Variants in PCDHGA5 observed in about 807,000 individuals in gnomAD.
PCDHGA5 encodes protocadherin gamma-A5.
A neutral mutation model predicts 56.7 loss-of-function variants in PCDHGA5; 36 were observed. The ratio of observed to expected loss-of-function variants is 0.64; its 90% CI spans 0.49 to 0.84. The LOEUF is 0.84. PCDHGA5 is among the 40% of genes least tolerant of loss of function. PCDHGA5 has a pLI of 0.00. For synonymous variants in PCDHGA5, 563 were observed against 520.2 expected, an observed-to-expected ratio of 1.08 and a Z score of -1.12; for missense variants, 1,305 against 1,201.5, an observed-to-expected ratio of 1.09 and a Z score of -1.27.
At chr5:141,420,392 G>A (rs1480059498) in intron 1 of PCDHGA5, 2 of 1,268,940 alleles carry the variant, frequency 1.6e-6, no homozygotes, top group East Asian at 5.5e-5. Context: ...CAAAATATAG[G>A]TCAAATTTAT....
chr5:141,440,444 C>G (rs2098178389), intron 1 of PCDHGA5: 1 of 152,038 alleles, frequency 6.6e-6, no homozygotes, highest in Admixed American at 6.6e-5. Context: ...AAGGCGCCAT[C>G]TCAAAAAAAA....
Position 141,476,525 on chromosome 5 carries a change from A to T in PCDHGA5, c.2422-18282A>T, listed in dbSNP as rs766638463. On this transcript the variant is annotated intron_variant, in intron 1 of 3. Coordinates refer to ENST00000518069, the MANE Select transcript of PCDHGA5 (RefSeq NM_018918.3). This position sits in a 1 kb window ranked among gnomAD's most constrained non-coding sequence, Gnocchi z 7.6. ...CAACGACAACAATCCTGCTTTCCCTACCCAGGAAATGAAATTGGAGATTAG... is the reference window on the plus strand; with the variant it reads ...CAACGACAACAATCCTGCTTTCCCTTCCCAGGAAATGAAATTGGAGATTAG... The T allele has an allele frequency of 6.2e-7, 1 of 1,614,068 alleles. No homozygotes were observed. The highest frequency in any genetic ancestry group is 2.2e-5 in the East Asian group (1 of 44,854).
Position 141,491,726 on chromosome 5 carries a change from C to A in PCDHGA5, c.2422-3081C>A, listed in dbSNP as rs1018940432. ...GTGAGGGGCTCGGCGCCGCCCCGGG[C>A]GACCCCTGGGGGCGGCACTGGAGAA... On this transcript the variant is annotated intron_variant, in intron 1 of 3. Coordinates refer to ENST00000518069, the MANE Select transcript of PCDHGA5 (RefSeq NM_018918.3). This position sits in a 1 kb window ranked among gnomAD's most constrained non-coding sequence, Gnocchi z 6.9. 2.2e-5 allele frequency: 36 copies of A among 1,605,766 alleles called. No individual in the cohort carries two copies. Among genetic ancestry groups the A allele is most frequent in the African/African-American group, 4.0e-5 (3 of 74,588 alleles).
At position 141,489,062 on chromosome 5, in the gene PCDHGA5, C is replaced by G. The variant is rs1466124551; in HGVS notation, c.2422-5745C>G. Reference sequence around the variant, plus strand: ...GCTCCACTCAAATTCAGCTCCCCTCCCCCCTGCCCACCCCCGCCACTCGGT... The same window carrying G: ...GCTCCACTCAAATTCAGCTCCCCTCGCCCCTGCCCACCCCCGCCACTCGGT... On this transcript the variant is annotated intron_variant, in intron 1 of 3. Transcript: ENST00000518069. This position sits in a 1 kb window ranked among gnomAD's most constrained non-coding sequence, Gnocchi z 4.5. 5.3e-6 allele frequency: 2 copies of G among 378,914 alleles called. No homozygotes were observed. Among genetic ancestry groups the G allele is most frequent in the Non-Finnish European group, 9.5e-6 (2 of 209,830 alleles). 23.5% of individuals were successfully genotyped at this position (378,914 alleles called of 1,614,324 possible).
intron 1 of PCDHGA5, chr5:141,384,509 G>T: frequency 6.2e-7 from 1 of 1,614,176 alleles, no homozygotes; most frequent in Non-Finnish European, 8.5e-7. Flanking sequence ...GCACATGACA[G>T]CGGGGACCCG....
chr5:141,416,504 C>CA (rs1467352050), intron 1 of PCDHGA5: 4 of 152,040 alleles, frequency 2.6e-5, no homozygotes, highest in African/African-American at 9.7e-5. Context: ...AGATATATGA[C>CA]AAAGCTATTT....
chr5:141,490,196 A>G lies in PCDHGA5; in HGVS notation c.2422-4611A>G, dbSNP rs748858034. On this transcript the variant is annotated intron_variant, in intron 1 of 3. Coordinates refer to ENST00000518069, the MANE Select transcript of PCDHGA5 (RefSeq NM_018918.3). The surrounding 1 kb of genome is among the most constrained non-coding windows in gnomAD (Gnocchi z 5.4). ...GAGGAGTCACGTTTCTATGAAATTCATGCAAGAGCCCGTGACCAGGGACAG... is the reference window on the plus strand; with the variant it reads ...GAGGAGTCACGTTTCTATGAAATTCGTGCAAGAGCCCGTGACCAGGGACAG... The G allele has an allele frequency of 3.7e-6, 6 of 1,614,196 alleles. No individual in the cohort carries two copies. The highest frequency in any genetic ancestry group is 4.2e-6 in the Non-Finnish European group (5 of 1,180,020).
At position 141,489,108 on chromosome 5, in the gene PCDHGA5, A is replaced by C; in HGVS notation, c.2422-5699A>C. The C allele has an allele frequency of 2.0e-6, 1 of 489,086 alleles. No individual in the cohort carries two copies. The highest frequency in any genetic ancestry group is 3.5e-6 in the Non-Finnish European group (1 of 287,626). 30.3% of individuals were successfully genotyped at this position (489,086 alleles called of 1,614,324 possible). On this transcript the variant is annotated intron_variant, in intron 1 of 3. Transcript: ENST00000518069. This position sits in a 1 kb window ranked among gnomAD's most constrained non-coding sequence, Gnocchi z 4.5. The stretch of plus-strand genomic sequence containing the variant: ...TCGGTGACTAAGAACTGCTGCAAGC[A>C]GGCAAACCTCCGAGCAGTTTTTAAG...
At chr5:141,435,919 T>C (rs2097786247) in intron 1 of PCDHGA5, among the ~76,000 whole-genome samples, 2 of 152,148 alleles carry the variant, frequency 1.3e-5, no homozygotes, top group South Asian at 4.1e-4. Flanking sequence ...GGCTCTAAAA[T>C]GCGGCAGTTG....
intron 1 of PCDHGA5, among the ~76,000 whole-genome samples, chr5:141,465,785 T>G (rs564238782): frequency 6.6e-6 from 1 of 152,262 alleles, no homozygotes; most frequent in South Asian, 2.1e-4. Flanking sequence ...TACAGTTTTT[T>G]TTTTTTTAAG....
intron 1 of PCDHGA5, among the ~76,000 whole-genome samples, chr5:141,449,549 A>G (rs1431239786): frequency 6.8e-6 from 1 of 147,830 alleles, no homozygotes; most frequent in East Asian, 2.0e-4. Context: ...AGATCGCACC[A>G]CTGCACTCCA....
chr5:141,478,465 C>T (rs768021356), intron 1 of PCDHGA5: 6 of 1,613,730 alleles, frequency 3.7e-6, no homozygotes, highest in Non-Finnish European at 5.1e-6. Context: ...GTCCACTGGC[C>T]AGCCGCCAGA....
At chr5:141,510,322 A>G (rs62379243) in intron 3 of PCDHGA5, among the ~76,000 whole-genome samples, 36,300 of 150,290 alleles carry the variant, frequency 0.24, 4,456 homozygotes, top group Admixed American at 0.32. Flanking sequence ...TTGGAAGAGC[A>G]CTCTTCACCC....
intron 1 of PCDHGA5, chr5:141,409,795 G>A (rs764584425): frequency 1.2e-6 from 2 of 1,611,722 alleles, no homozygotes; most frequent in Admixed American, 1.7e-5. Context: ...TCGCGCTCAC[G>A]CTGCAGGCCC....
At chr5:141,394,226 C>CT (rs771492563) in intron 1 of PCDHGA5, 132 of 1,613,834 alleles carry the variant, frequency 8.2e-5, no homozygotes, top group Non-Finnish European at 1.1e-4. Context: ...GAGCCTCCAT[C>CT]TTTTCCTTGA....
rs368873957 is a variant in PCDHGA5, at chr5:141,366,544, G to T, written c.2214G>T (p.Ser738=). Residue 738 remains serine, a synonymous_variant, in exon 1 of 4, where the codon TCG becomes TCT. Transcript: ENST00000518069. ...EGSRLAGVPA[S]HFVGVDGVRA... is the part of the protein sequence containing the mutation. ...GCAGGTTGGCGGGTGTGCCCGCCTC[G>T]CACTTTGTGGGCGTGGATGGGGTTC... 5 of 1,614,112 alleles carry T rather than the reference G, an allele frequency of 3.1e-6. No homozygotes were observed. Among genetic ancestry groups the T allele is most frequent in the Non-Finnish European group, 4.2e-6 (5 of 1,180,044 alleles).
chr5:141,493,330 A>G lies in PCDHGA5; in HGVS notation c.2422-1477A>G, dbSNP rs979607147. 6.6e-6 allele frequency among the ~76,000 whole-genome samples: 1 copy of G among 152,182 alleles called. No homozygotes were observed. Among genetic ancestry groups the G allele is most frequent in the Non-Finnish European group, 1.5e-5 (1 of 68,020 alleles). On this transcript the variant is annotated intron_variant, in intron 1 of 3. Coordinates refer to ENST00000518069, the MANE Select transcript of PCDHGA5 (RefSeq NM_018918.3). The surrounding 1 kb of genome is among the most constrained non-coding windows in gnomAD (Gnocchi z 4.3). ...GTAAGAGAGATTCTAACCCCTGTCT[A>G]ACTCCAGAATGTGTGCTTTTAATTT... is the stretch of plus-strand genomic sequence containing the variant.
intron 1 of PCDHGA5, among the ~76,000 whole-genome samples, chr5:141,401,860 A>G (rs2094201565): frequency 6.6e-6 from 1 of 152,182 alleles, no homozygotes. Flanking sequence ...TTAACCTTTC[A>G]GTAGTTTTCT....
chr5:141,476,613 G>T lies in PCDHGA5; in HGVS notation c.2422-18194G>T. On this transcript the variant is annotated intron_variant, in intron 1 of 3. Coordinates refer to ENST00000518069, the MANE Select transcript of PCDHGA5 (RefSeq NM_018918.3). The surrounding 1 kb of genome is among the most constrained non-coding windows in gnomAD (Gnocchi z 7.6). ...AGCGCGCACGATCCCGATGTGGGAA[G>T]CAACTCTTTACAAACCTATGAGCTG... 2 of 1,614,266 alleles carry T rather than the reference G, an allele frequency of 1.2e-6. No homozygotes were observed. The highest frequency in any genetic ancestry group is 2.7e-5 in the African/African-American group (2 of 75,078).
Sources: gnomAD v4.1 joint callset for allele counts (sites outside exome capture counted in the v4.1 genomes callset) on GRCh38, gnomAD v4.1.1 for gene constraint, Gnocchi (gnomAD v3.1) non-coding constraint, MANE v1.5 for transcripts, NCBI Gene and HGNC (gene_info 2026-07-23, HGNC 2026-07-21) for gene names.